Variants in GRIA1 observed in about 807,000 individuals in gnomAD.
The protein encoded by GRIA1 is glutamate ionotropic receptor AMPA type subunit 1, also known as glutamate receptor 1.
A neutral mutation model predicts 99.2 loss-of-function variants in GRIA1; 31 were observed. The ratio of observed to expected loss-of-function variants is 0.31; its 90% CI spans 0.23 to 0.42. The LOEUF is 0.42. Among genes scored for constraint, GRIA1 ranks in the 10% least tolerant of loss-of-function variants. The pLI is 1.00. For synonymous variants in GRIA1, 438 were observed against 432.4 expected, an observed-to-expected ratio of 1.01 and a Z score of -0.16; for missense variants, 782 against 1,157.5, an observed-to-expected ratio of 0.68 and a Z score of 4.71.
intron 7 of GRIA1, among the ~76,000 whole-genome samples, chr5:153,678,355 T>G (rs1756740217): frequency 1.3e-5 from 2 of 152,198 alleles, no homozygotes. Context: ...AGTGCCTTTC[T>G]GTAGAGAAGA....
intron 2 of GRIA1, among the ~76,000 whole-genome samples, chr5:153,608,298 G>A (rs1186980361): frequency 1.3e-5 from 2 of 152,086 alleles, no homozygotes; most frequent in Non-Finnish European, 2.9e-5. Flanking sequence ...GATGTCTTTT[G>A]TCAGGTTTGG....
intron 2 of GRIA1, among the ~76,000 whole-genome samples, chr5:153,571,056 G>T (rs971548553): frequency 6.6e-5 from 10 of 152,120 alleles, no homozygotes; most frequent in African/African-American, 2.4e-4. Context: ...GATTCTCAAC[G>T]TTAGCACTAC....
chr5:153,653,637 A>G (rs1754731773), intron 4 of GRIA1, among the ~76,000 whole-genome samples: 1 of 152,158 alleles, frequency 6.6e-6, no homozygotes, highest in Non-Finnish European at 1.5e-5. Flanking sequence ...TATTGTCTTC[A>G]TGGTGCTTGT....
intron 2 of GRIA1, among the ~76,000 whole-genome samples, chr5:153,643,309 C>A (rs941059712): frequency 2.0e-5 from 3 of 152,092 alleles, no homozygotes; most frequent in Non-Finnish European, 4.4e-5. Context: ...CCTAGGAGAG[C>A]GTGGGATTTA....
intron 2 of GRIA1, among the ~76,000 whole-genome samples, chr5:153,575,691 C>T (rs1160686243): frequency 6.6e-6 from 1 of 152,158 alleles, no homozygotes; most frequent in Non-Finnish European, 1.5e-5. Context: ...CCAGTATAAC[C>T]AAGTCTCCTG....
intron 13 of GRIA1, among the ~76,000 whole-genome samples, chr5:153,771,983 G>GA (rs1286764084): frequency 1.3e-5 from 2 of 151,946 alleles, no homozygotes; most frequent in Admixed American, 6.6e-5. Context: ...ACATGAAAAA[G>GA]AAAAAAATTG....
At position 153,689,143 on chromosome 5, in the gene GRIA1, C is replaced by T. The variant is rs146062463; in HGVS notation, c.1134+2814C>T. ...TCCTGGGCTCAAGTGATCCACCCAC[C>T]TCGGCCTCCCAAAGTGCTGGGATTA... On this transcript the variant is annotated intron_variant, in intron 8 of 15. Coordinates refer to ENST00000285900, the MANE Select transcript of GRIA1 (RefSeq NM_000827.4). 9.4e-3 allele frequency among the ~76,000 whole-genome samples: 1,437 copies of T among 152,230 alleles called. 23 individuals are homozygous for T. The highest frequency in any genetic ancestry group is 0.033 in the African/African-American group (1,369 of 41,532).
At chr5:153,792,582 A>C (rs1354051208) in intron 13 of GRIA1, among the ~76,000 whole-genome samples, 1 of 152,226 alleles carries the variant, frequency 6.6e-6, no homozygotes, top group Non-Finnish European at 1.5e-5. Context: ...GAAAGGTAAC[A>C]AAACATAGGC....
intron 11 of GRIA1, among the ~76,000 whole-genome samples, chr5:153,724,023 G>T (rs903012506): frequency 6.6e-6 from 1 of 152,142 alleles, no homozygotes; most frequent in Non-Finnish European, 1.5e-5. Flanking sequence ...TACCTCACAC[G>T]GCCGGGTACT....
chr5:153,562,468 C>T (rs1284397216), intron 2 of GRIA1, among the ~76,000 whole-genome samples: 3 of 152,184 alleles, frequency 2.0e-5, no homozygotes, highest in African/African-American at 7.2e-5. Flanking sequence ...CTTAACAGGT[C>T]TTGCAAGATG....
chr5:153,665,074 A>G (rs1010711442), intron 5 of GRIA1, among the ~76,000 whole-genome samples: 4 of 152,210 alleles, frequency 2.6e-5, no homozygotes, highest in Non-Finnish European at 5.9e-5. Context: ...TCCTGACCAC[A>G]ACAGTTGGGG....
intron 6 of GRIA1, among the ~76,000 whole-genome samples, chr5:153,675,564 A>G (rs1756510456): frequency 6.6e-6 from 1 of 152,228 alleles, no homozygotes; most frequent in Non-Finnish European, 1.5e-5. Flanking sequence ...ACTAAGGCCA[A>G]GTTTGTTTAT....
chr5:153,700,098 C>A (rs570795582), intron 10 of GRIA1, among the ~76,000 whole-genome samples: 3 of 152,164 alleles, frequency 2.0e-5, no homozygotes, highest in Admixed American at 6.6e-5. Flanking sequence ...TTAAACAGAC[C>A]GAGAGGCCGG....
At chr5:153,623,300 C>T (rs1197080274) in intron 2 of GRIA1, among the ~76,000 whole-genome samples, 3 of 152,148 alleles carry the variant, frequency 2.0e-5, no homozygotes, top group African/African-American at 7.2e-5. Flanking sequence ...CATTTGCCTA[C>T]CCTGCAGTAC....
At chr5:153,638,767 T>G (rs2149444218) in intron 2 of GRIA1, among the ~76,000 whole-genome samples, 1 of 152,368 alleles carries the variant, frequency 6.6e-6, no homozygotes, top group East Asian at 1.9e-4. Context: ...GCATGGGTGT[T>G]AGATAAAAAA....
chr5:153,736,476 G>A (rs878861243), intron 11 of GRIA1, among the ~76,000 whole-genome samples: 1 of 152,206 alleles, frequency 6.6e-6, no homozygotes, highest in Admixed American at 6.5e-5. Flanking sequence ...TTGCTTATAA[G>A]CAAGATGTGA....
At chr5:153,612,635 GTAGT>G (rs1216231416) in intron 2 of GRIA1, among the ~76,000 whole-genome samples, 1 of 152,250 alleles carries the variant, frequency 6.6e-6, no homozygotes, top group Non-Finnish European at 1.5e-5. Flanking sequence ...AAATAGGGAA[GTAGT>G]TAGGAGAATA....
At chr5:153,529,414 G>A (rs1757898475) in intron 2 of GRIA1, among the ~76,000 whole-genome samples, 1 of 152,186 alleles carries the variant, frequency 6.6e-6, no homozygotes, top group African/African-American at 2.4e-5. Flanking sequence ...TCAGGCTTTA[G>A]ATGAGGCACC....
intron 2 of GRIA1, among the ~76,000 whole-genome samples, chr5:153,522,761 G>T (rs1265004374): frequency 6.6e-6 from 1 of 152,134 alleles, no homozygotes; most frequent in Non-Finnish European, 1.5e-5. Flanking sequence ...GCAAGTTGAT[G>T]GCCAGGCTTA....
Sources: gnomAD v4.1 joint callset for allele counts (sites outside exome capture counted in the v4.1 genomes callset) on GRCh38, gnomAD v4.1.1 for gene constraint, MANE v1.5 for transcripts, NCBI Gene and HGNC (gene_info 2026-07-23, HGNC 2026-07-21) for gene names.